EYS: variants seen among roughly 807,000 people sequenced by gnomAD.
EYS encodes protein eyes shut homolog.
A neutral mutation model predicts 282.1 loss-of-function variants in EYS; 250 were observed. The ratio of observed to expected loss-of-function variants is 0.89; its 90% CI spans 0.80 to 0.98. EYS has a LOEUF of 0.98. EYS is among the 50% of genes least tolerant of loss of function. The probability of loss-of-function intolerance (pLI) is 0.00; values close to 1 mark genes in which losing one functional copy is unlikely to be tolerated. For missense variants in EYS, 4,016 were observed against 3,709.0 expected (o/e 1.08, Z -2.15); for synonymous variants, 1,355 against 1,282.9 (o/e 1.06, Z -1.20).
rs1767625561 is a variant in EYS, at chr6:63,991,974, A to ATTTG, written c.6834+7100_6834+7101insCAAA. Among the ~76,000 whole-genome samples the ATTTG allele has an allele frequency of 5.3e-5, 8 of 151,934 alleles. No individual in the cohort carries two copies. In the East Asian group the frequency reaches 1.6e-3, roughly 29 times the overall value. ...AAACATTTTTTAAAGGAACCTGCAAACCAAGAATACTGTATTTGCCAAAAC... is the reference window on the plus strand; with the variant it reads ...AAACATTTTTTAAAGGAACCTGCAAATTTGCCAAGAATACTGTATTTGCCAAAAC... On this transcript the variant is annotated intron_variant, in intron 34 of 42. Transcript: ENST00000503581.
chr6:64,968,261 AT>A (rs999573349), intron 14 of EYS, among the ~76,000 whole-genome samples: 12 of 151,674 alleles, frequency 7.9e-5, no homozygotes, highest in African/African-American at 2.2e-4. Context: ...TTGACCCAAG[AT>A]TTTTTTTTAT....
chr6:65,648,571 C>A (rs990993520), intron 1 of EYS, among the ~76,000 whole-genome samples: 2 of 151,798 alleles, frequency 1.3e-5, no homozygotes, highest in African/African-American at 2.4e-5. Flanking sequence ...GTGGGAGGGT[C>A]GTGAGGAGTA....
At chr6:64,168,361 G>T (rs765278213) in intron 31 of EYS, among the ~76,000 whole-genome samples, 49 of 152,218 alleles carry the variant, frequency 3.2e-4, no homozygotes, top group Admixed American at 1.3e-4. Context: ...ATGCACAATG[G>T]TGCAGTCGTT....
At chr6:64,000,655 A>G (rs1333721697) in intron 33 of EYS, among the ~76,000 whole-genome samples, 1 of 152,168 alleles carries the variant, frequency 6.6e-6, no homozygotes, top group Admixed American at 6.5e-5. Flanking sequence ...TAGTTGAATG[A>G]AAAAACAAAA....
At chr6:65,288,397 G>A (rs1017646629) in intron 12 of EYS, among the ~76,000 whole-genome samples, 20 of 150,452 alleles carry the variant, frequency 1.3e-4, no homozygotes, top group Admixed American at 1.1e-3. Flanking sequence ...AATGGACAAA[G>A]AGGAGTCAAA....
At chr6:63,894,879 G>T (rs983631177) in intron 35 of EYS, among the ~76,000 whole-genome samples, 1 of 151,964 alleles carries the variant, frequency 6.6e-6, no homozygotes, top group African/African-American at 2.4e-5. Context: ...TAGCCACTGC[G>T]CCCGGCCAAA....
chr6:63,872,382 G>T (rs961781914), intron 35 of EYS, among the ~76,000 whole-genome samples: 1 of 151,618 alleles, frequency 6.6e-6, no homozygotes, highest in African/African-American at 2.4e-5. Context: ...GTATGTGTGT[G>T]AGTGTATATG....
At chr6:64,075,824 T>A (rs1012774197) in intron 32 of EYS, among the ~76,000 whole-genome samples, 2 of 151,994 alleles carry the variant, frequency 1.3e-5, no homozygotes, top group Non-Finnish European at 2.9e-5. Context: ...TATTTCTTCA[T>A]AAATTTCAAT....
intron 12 of EYS, among the ~76,000 whole-genome samples, chr6:65,074,495 G>A (rs993272012): frequency 1.3e-5 from 2 of 151,948 alleles, no homozygotes; most frequent in Non-Finnish European, 2.9e-5. Context: ...TGCCGAGGGA[G>A]TGCTTAATAA....
At chr6:65,187,857 C>T (rs941699952) in intron 12 of EYS, among the ~76,000 whole-genome samples, 6 of 151,330 alleles carry the variant, frequency 4.0e-5, no homozygotes, top group African/African-American at 4.8e-5. Context: ...TTTATTTTTC[C>T]CAAATTAATT....
intron 26 of EYS, among the ~76,000 whole-genome samples, chr6:64,545,240 C>T (rs540048893): frequency 2.4e-4 from 36 of 152,248 alleles, no homozygotes; most frequent in African/African-American, 8.4e-4. Context: ...AAACATAATC[C>T]AGGATATAAA....
intron 26 of EYS, among the ~76,000 whole-genome samples, chr6:64,494,040 T>C (rs942730702): frequency 6.6e-6 from 1 of 151,560 alleles, no homozygotes; most frequent in Non-Finnish European, 1.5e-5. Flanking sequence ...CACTAGAACA[T>C]AGTAGAGTTG....
At chr6:65,524,279 T>A (rs2127300847) in intron 2 of EYS, among the ~76,000 whole-genome samples, 1 of 152,314 alleles carries the variant, frequency 6.6e-6, no homozygotes, top group East Asian at 1.9e-4. Flanking sequence ...AGTGGCCATA[T>A]GGCAGTCTTA....
chr6:65,040,385 A>G (rs757557103), intron 13 of EYS, among the ~76,000 whole-genome samples: 7 of 151,654 alleles, frequency 4.6e-5, no homozygotes, highest in Non-Finnish European at 7.4e-5. Flanking sequence ...CACTGCTTTC[A>G]TCTTCATATG....
chr6:64,541,836 G>GTGTT (rs1213763499), intron 26 of EYS, among the ~76,000 whole-genome samples: 4 of 152,140 alleles, frequency 2.6e-5, no homozygotes, highest in African/African-American at 9.7e-5. Flanking sequence ...TACAATGGAA[G>GTGTT]TGTTTTGTAG....
At chr6:65,633,966 ATATGAAAAGCTAAAG>A (rs1417103560) in intron 2 of EYS, among the ~76,000 whole-genome samples, 1 of 152,224 alleles carries the variant, frequency 6.6e-6, no homozygotes. Flanking sequence ...CTGCTAGAGA[ATATGAAAAGCTAAAG>A]TATACTTCCA....
At chr6:63,857,814 A>C (rs1189139376) in intron 36 of EYS, 2 of 197,746 alleles carry the variant, frequency 1.0e-5, no homozygotes, top group African/African-American at 2.3e-5. Context: ...AGGATACACA[A>C]AAAATATCCT....
chr6:65,635,997 C>T (rs912494251), intron 2 of EYS, among the ~76,000 whole-genome samples: 1 of 152,160 alleles, frequency 6.6e-6, no homozygotes, highest in African/African-American at 2.4e-5. Flanking sequence ...GAGTAACAAC[C>T]CCATCTTCTG....
chr6:65,685,106 T>A (rs558021190), intron 1 of EYS, among the ~76,000 whole-genome samples: 1 of 152,116 alleles, frequency 6.6e-6, no homozygotes, highest in East Asian at 1.9e-4. Context: ...TAATAAGATA[T>A]GGAAGGAATG....
Sources: allele counts gnomAD v4.1 joint callset (sites outside exome capture counted in the v4.1 genomes callset), GRCh38; gene constraint gnomAD v4.1.1; transcripts MANE v1.5; gene names NCBI Gene and HGNC (gene_info 2026-07-23, HGNC 2026-07-21).